The following NFKB1 variants were observed in gnomAD, a reference collection of about 807,000 sequenced individuals.
NFKB1 encodes nuclear factor NF-kappa-B p105 subunit.
Under a neutral mutation model 105.1 loss-of-function variants are expected in NFKB1, and 9 were observed. The ratio of observed to expected loss-of-function variants is 0.09; its 90% CI spans 0.05 to 0.15. The LOEUF (loss-of-function observed/expected upper bound fraction) is 0.15. Ranked by LOEUF, NFKB1 falls within the 10% of genes least tolerant of loss-of-function variation. The pLI is 1.00. For missense variants in NFKB1, 830 were observed against 1,203.7 expected, an observed-to-expected ratio of 0.69 and a Z score of 4.59; for synonymous variants, 440 against 442.2, an observed-to-expected ratio of 1.00 and a Z score of 0.06.
At position 102,597,680 on chromosome 4, in the gene NFKB1, A is replaced by C. The variant is rs777681976; in HGVS notation, c.1637+19A>C. On this transcript the variant is annotated intron_variant, in intron 15 of 23. Coordinates refer to ENST00000226574, the MANE Select transcript of NFKB1 (RefSeq NM_003998.4). ...GGGACAGGTAAGTCAGAACTTTTGC[A>C]TGATAGGTTGTCCTGGGTGGGGAAG... 1.9e-6 allele frequency: 3 copies of C among 1,603,232 alleles called. No individual in the cohort carries two copies. The Admixed American group carries it at 5.1e-5, about 27-fold the overall frequency.
chr4:102,513,043 C>A (rs1297026561), intron 1 of NFKB1, among the ~76,000 whole-genome samples: 2 of 152,104 alleles, frequency 1.3e-5, no homozygotes, highest in African/African-American at 2.4e-5. Flanking sequence ...ATGAATATTC[C>A]AAAATGGTAC....
At chr4:102,614,963 G>T (rs926822031) in intron 23 of NFKB1, among the ~76,000 whole-genome samples, 2 of 152,134 alleles carry the variant, frequency 1.3e-5, no homozygotes, top group East Asian at 1.9e-4. Context: ...CGTATGCGAC[G>T]CATCGAGTGT....
chr4:102,594,627 A>G (rs1187388885), intron 12 of NFKB1, among the ~76,000 whole-genome samples: 1 of 152,116 alleles, frequency 6.6e-6, no homozygotes, highest in Non-Finnish European at 1.5e-5. Context: ...CCCTTCACAT[A>G]GGAGTGAAGG....
chr4:102,555,503 T>G (rs936118265), intron 5 of NFKB1, among the ~76,000 whole-genome samples: 11 of 152,302 alleles, frequency 7.2e-5, no homozygotes, highest in African/African-American at 2.4e-4. Context: ...CATGTGGGAA[T>G]TGTTGAACAA....
chr4:102,514,036 G>A (rs973023842), intron 1 of NFKB1, among the ~76,000 whole-genome samples: 6 of 151,870 alleles, frequency 4.0e-5, no homozygotes, highest in African/African-American at 7.3e-5. Flanking sequence ...TTAGCCAGGC[G>A]TTGTGGTGGG....
intron 20 of NFKB1, among the ~76,000 whole-genome samples, chr4:102,611,289 G>C (rs1728388041): frequency 6.6e-6 from 1 of 152,122 alleles, no homozygotes; most frequent in Admixed American, 6.5e-5. Context: ...GACGAGAGCT[G>C]CTCCACTTCT....
At position 102,577,028 on chromosome 4, in the gene NFKB1, G is replaced by A. The variant is rs201874528; in HGVS notation, c.560G>A (p.Arg187Gln). 1.2e-4 allele frequency: 186 copies of A among 1,609,630 alleles called. No individual in the cohort carries two copies. The highest frequency in any genetic ancestry group is 1.7e-4 in the Middle Eastern group (1 of 6,054). Residue 187 changes from arginine (R) to glutamine (Q), a missense_variant, in exon 7 of 24, where the codon CGG (arginine) becomes CAG (glutamine). Physicochemically the swap from Arg to Gln is conservative, Grantham distance 43. This residue lies in a region of NFKB1 where 80 missense variants were observed against 122.6 expected (regional missense o/e 0.65). Coordinates refer to ENST00000226574, the MANE Select transcript of NFKB1 (RefSeq NM_003998.4). The stretch of plus-strand genomic sequence containing the variant: ...TTGCAAGCAGAAGGTGGAGGGGACC[G>A]GCAGCTGGGAGGTAAGCATCATTTT... ...AYLQAEGGGD[R>Q]QLGDREKELI... is the part of the protein sequence containing the mutation.
At chr4:102,548,571 T>C (rs1722318135) in intron 5 of NFKB1, among the ~76,000 whole-genome samples, 1 of 152,190 alleles carries the variant, frequency 6.6e-6, no homozygotes, top group African/African-American at 2.4e-5. Context: ...CCATAACAAG[T>C]TACCACAAAC....
At chr4:102,515,269 C>A (rs1740090374) in intron 1 of NFKB1, among the ~76,000 whole-genome samples, 1 of 149,744 alleles carries the variant, frequency 6.7e-6, no homozygotes, top group Non-Finnish European at 1.5e-5. Context: ...CGCCACTACG[C>A]CCGGCTAATT....
In NFKB1 at chr4:102,563,119, G is replaced by C. The variant is rs370988604; in HGVS notation, c.259-3868G>C. ...TACTTTACCCCAACGTGACAAAATT[G>C]TTTTAAATAAAAAGAGGTAATTTGA... On this transcript the variant is annotated intron_variant, in intron 5 of 23. Coordinates refer to ENST00000226574, the MANE Select transcript of NFKB1 (RefSeq NM_003998.4). Among the ~76,000 whole-genome samples, 76 of 152,264 alleles carry C rather than the reference G, an allele frequency of 5.0e-4. No homozygotes were observed. The East Asian group carries it at 0.012, about 25-fold the overall frequency.
chr4:102,548,137 GAGAA>G (rs1277590293), intron 5 of NFKB1, among the ~76,000 whole-genome samples: 1 of 152,062 alleles, frequency 6.6e-6, no homozygotes, highest in Non-Finnish European at 1.5e-5. Context: ...GGAGCATGTG[GAGAA>G]AGAGAGAGAA....
chr4:102,574,506 A>T (rs1724652509), intron 6 of NFKB1, among the ~76,000 whole-genome samples: 1 of 151,564 alleles, frequency 6.6e-6, no homozygotes. Flanking sequence ...CCTTTCCGGT[A>T]CTCTGCTTGT....
chr4:102,602,655 A>G (rs1373104015), intron 16 of NFKB1, among the ~76,000 whole-genome samples: 1 of 152,118 alleles, frequency 6.6e-6, no homozygotes, highest in African/African-American at 2.4e-5. Context: ...AGGTTTCCTG[A>G]TAGGGGAAAA....
chr4:102,612,345 T>C, intron 21 of NFKB1, 89 bp from the exon 22 acceptor site: 1 of 1,398,216 alleles, frequency 7.2e-7, no homozygotes, highest in Non-Finnish European at 9.8e-7. Context: ...CCACTGGGAG[T>C]TGGACAGCAA....
rs568411010 is a variant in NFKB1 at position 102,538,357 on chromosome 4, T to G, written c.258+401T>G. The stretch of plus-strand genomic sequence containing the variant: ...TAGTATATTATTTAAGATTATGAAT[T>G]TGGATCCAGACTTTGTTATTAGCTG... On this transcript the variant is annotated intron_variant, in intron 5 of 23. Coordinates refer to ENST00000226574, the MANE Select transcript of NFKB1 (RefSeq NM_003998.4). 1.4e-4 allele frequency among the ~76,000 whole-genome samples: 21 copies of G among 152,356 alleles called. No homozygotes were observed. In the South Asian group the frequency reaches 3.9e-3, roughly 29 times the overall value.
At chr4:102,515,611 ATTTG>A (rs1446966328) in intron 1 of NFKB1, among the ~76,000 whole-genome samples, 1 of 152,062 alleles carries the variant, frequency 6.6e-6, no homozygotes, top group Non-Finnish European at 1.5e-5. Context: ...TTAGAAAAGT[ATTTG>A]TTTATTACAA....
Position 102,537,892 on chromosome 4 carries a change from C to T in NFKB1, c.194C>T (p.Pro65Leu). 6.2e-7 allele frequency: 1 copy of T among 1,612,170 alleles called. No individual in the cohort carries two copies. The highest frequency in any genetic ancestry group is 8.5e-7 in the Non-Finnish European group (1 of 1,178,532). Residue 65 changes from proline (P) to leucine (L), a missense_variant, in exon 5 of 24, where the codon CCA becomes CTA. Coordinates refer to ENST00000226574, the MANE Select transcript of NFKB1 (RefSeq NM_003998.4). ...CGTTTCCGTTATGTATGTGAAGGCCCATCCCATGGTGGACTACCTGGTGCC... is the reference window on the plus strand; with the variant it reads ...CGTTTCCGTTATGTATGTGAAGGCCTATCCCATGGTGGACTACCTGGTGCC... ...GFRFRYVCEG[P>L]SHGGLPGASS...
chr4:102,608,663 T>C (rs1047904903), intron 19 of NFKB1, among the ~76,000 whole-genome samples: 124 of 152,224 alleles, frequency 8.1e-4, no homozygotes, highest in African/African-American at 3.0e-3. Context: ...AGAGGCTTTT[T>C]TTTTTTTTAA....
At chr4:102,550,504 TTGTATTTGGA>T (rs1560664055) in intron 5 of NFKB1, among the ~76,000 whole-genome samples, 1 of 152,170 alleles carries the variant, frequency 6.6e-6, no homozygotes, top group Non-Finnish European at 1.5e-5. Context: ...CATCCCATAC[TTGTATTTGGA>T]TTTGAGATAT....
Sources: gnomAD v4.1 joint callset for allele counts (sites outside exome capture counted in the v4.1 genomes callset) on GRCh38, gnomAD v4.1.1 for gene constraint, gnomAD v4.1.1 regional missense constraint, MANE v1.5 for transcripts, NCBI Gene and HGNC (gene_info 2026-07-23, HGNC 2026-07-21) for gene names.